The following SMYD3 variants were observed in gnomAD, a reference collection of about 807,000 sequenced individuals.
SMYD3 encodes the protein histone-lysine N-methyltransferase SMYD3.
Under a neutral mutation model 57.7 loss-of-function variants are expected in SMYD3, and 36 were observed. That is an observed-to-expected ratio of 0.62 (90% CI 0.48 to 0.82). The LOEUF (loss-of-function observed/expected upper bound fraction) is 0.82. Ranked by LOEUF, SMYD3 falls within the 40% of genes least tolerant of loss-of-function variation. The pLI, the probability that SMYD3 is intolerant of heterozygous loss-of-function variation, is 0.00. For missense variants in SMYD3, 515 were observed against 538.8 expected (o/e 0.96, Z 0.44); for synonymous variants, 211 against 195.0 (o/e 1.08, Z -0.68).
At chr1:245,760,213 T>G (rs2045785931) in intron 11 of SMYD3, among the ~76,000 whole-genome samples, 1 of 152,232 alleles carries the variant, frequency 6.6e-6, no homozygotes, top group Admixed American at 6.5e-5. Context: ...GCTCCTCTGA[T>G]TTCTATTCAA....
At chr1:245,967,284 T>G (rs1436765179) in intron 5 of SMYD3, among the ~76,000 whole-genome samples, 1 of 152,228 alleles carries the variant, frequency 6.6e-6, no homozygotes, top group Non-Finnish European at 1.5e-5. Flanking sequence ...TTTGACTGAA[T>G]GTTTCAAAAA....
At chr1:246,404,629 C>A (rs2066829697) in intron 1 of SMYD3, among the ~76,000 whole-genome samples, 1 of 152,192 alleles carries the variant, frequency 6.6e-6, no homozygotes, top group African/African-American at 2.4e-5. Flanking sequence ...AAAGCCCCTG[C>A]AAGCACTTGA....
At chr1:246,239,759 C>T (rs1176117260) in intron 5 of SMYD3, among the ~76,000 whole-genome samples, 2 of 152,050 alleles carry the variant, frequency 1.3e-5, no homozygotes, top group African/African-American at 4.8e-5. Context: ...CCTGTTGTTT[C>T]CTGACTTTTT....
intron 1 of SMYD3, among the ~76,000 whole-genome samples, chr1:246,378,726 T>TATATATAATCATATATAATATA (rs58702520): frequency 1.1e-5 from 1 of 89,862 alleles, no homozygotes; most frequent in South Asian, 2.9e-4. Flanking sequence ...TATAATATAT[T>TATATATAATCATATATAATATA]ATATATTATA....
At position 245,778,594 on chromosome 1, in the gene SMYD3, T is replaced by A. The variant is rs548699116; in HGVS notation, c.1077-14445A>T. ...TTTATCAGCCATTTGTATATCTTCT[T>A]TGGAAAATGTATAGTCTAGTCTAGG... On this transcript the variant is annotated intron_variant, in intron 10 of 11. Coordinates refer to ENST00000490107, the MANE Select transcript of SMYD3 (RefSeq NM_001167740.2). 3.3e-5 allele frequency among the ~76,000 whole-genome samples: 5 copies of A among 152,304 alleles called. No homozygotes were observed. The South Asian group carries it at 1.0e-3, about 32-fold the overall frequency.
intron 5 of SMYD3, among the ~76,000 whole-genome samples, chr1:245,949,802 C>T (rs1021262138): frequency 2.6e-5 from 4 of 151,358 alleles, no homozygotes; most frequent in Non-Finnish European, 4.4e-5. Context: ...GAGTGAGACC[C>T]TGTCTCCAAA....
intron 5 of SMYD3, among the ~76,000 whole-genome samples, chr1:246,066,047 A>G (rs1382545573): frequency 6.6e-6 from 1 of 152,236 alleles, no homozygotes; most frequent in Non-Finnish European, 1.5e-5. Flanking sequence ...AACTAAAAGG[A>G]CAAGAGAACA....
chr1:245,766,799 G>A (rs961696138), intron 10 of SMYD3, among the ~76,000 whole-genome samples: 1 of 152,164 alleles, frequency 6.6e-6, no homozygotes, highest in African/African-American at 2.4e-5. Context: ...TCAGTTCTAC[G>A]ATGGCAGAGA....
intron 5 of SMYD3, among the ~76,000 whole-genome samples, chr1:245,949,311 C>T (rs781023002): frequency 1.2e-4 from 19 of 152,178 alleles, no homozygotes; most frequent in Non-Finnish European, 2.1e-4. Context: ...ATTTAGCCCA[C>T]CACCGCCACC....
intron 8 of SMYD3, among the ~76,000 whole-genome samples, chr1:245,905,319 T>C (rs371596055): frequency 4.6e-5 from 7 of 152,124 alleles, no homozygotes; most frequent in South Asian, 2.1e-4. Context: ...TTAGCATTTC[T>C]GGGCCTGCCT....
intron 5 of SMYD3, among the ~76,000 whole-genome samples, chr1:246,274,936 CA>C (rs1376532320): frequency 6.6e-6 from 1 of 151,946 alleles, no homozygotes; most frequent in Non-Finnish European, 1.5e-5. Context: ...TATTTTTATG[CA>C]AAAAAACTCA....
chr1:246,325,899 G>A (rs11577153), intron 5 of SMYD3: 3,977 of 154,102 alleles, frequency 0.026, 66 homozygotes, highest in African/African-American at 0.033. Context: ...CACGGCACAC[G>A]ATACTACTAC....
At chr1:245,921,862 G>C (rs1260863120) in intron 7 of SMYD3, among the ~76,000 whole-genome samples, 1 of 152,076 alleles carries the variant, frequency 6.6e-6, no homozygotes, top group Non-Finnish European at 1.5e-5. Context: ...AGGGCAAGGG[G>C]TGAAAAACTG....
intron 5 of SMYD3, among the ~76,000 whole-genome samples, chr1:246,044,996 G>A (rs1365751666): frequency 1.3e-5 from 2 of 152,158 alleles, no homozygotes; most frequent in East Asian, 1.9e-4. Flanking sequence ...ACAAACAAAT[G>A]GAAGAGCATT....
chr1:246,213,760 A>C (rs1431643492), intron 5 of SMYD3, among the ~76,000 whole-genome samples: 1 of 152,190 alleles, frequency 6.6e-6, no homozygotes, highest in Non-Finnish European at 1.5e-5. Flanking sequence ...AGCATCTGTA[A>C]TGGCCATCGG....
At chr1:245,768,575 G>A (rs376861505) in intron 10 of SMYD3, among the ~76,000 whole-genome samples, 5 of 152,326 alleles carry the variant, frequency 3.3e-5, no homozygotes, top group South Asian at 4.1e-4. Flanking sequence ...GCTTTGGTTT[G>A]AATGTGTTCC....
intron 5 of SMYD3, among the ~76,000 whole-genome samples, chr1:246,275,275 G>A (rs530995845): frequency 1.3e-5 from 2 of 152,358 alleles, no homozygotes; most frequent in East Asian, 1.9e-4. Context: ...GAACGGCATG[G>A]CTCATTCTGG....
chr1:245,849,263 A>T (rs186650223), intron 10 of SMYD3, among the ~76,000 whole-genome samples: 3 of 152,326 alleles, frequency 2.0e-5, no homozygotes, highest in Admixed American at 6.5e-5. Context: ...CCCTTAGCAC[A>T]TGGTTCTTGA....
At chr1:246,298,849 T>G (rs1339145237) in intron 5 of SMYD3, among the ~76,000 whole-genome samples, 1 of 152,116 alleles carries the variant, frequency 6.6e-6, no homozygotes, top group African/African-American at 2.4e-5. Flanking sequence ...CAAAACTTCA[T>G]GATTTCAAAC....
Sources: allele counts gnomAD v4.1 joint callset (sites outside exome capture counted in the v4.1 genomes callset), GRCh38; gene constraint gnomAD v4.1.1; transcripts MANE v1.5; gene names NCBI Gene and HGNC (gene_info 2026-07-23, HGNC 2026-07-21).